The following SLC45A1 variants were observed in gnomAD, a reference collection of about 807,000 sequenced individuals.
The protein encoded by SLC45A1 is solute carrier family 45 member 1.
Under a neutral mutation model 57.6 loss-of-function variants are expected in SLC45A1, and 28 were observed. The ratio of observed to expected loss-of-function variants is 0.49; its 90% CI spans 0.36 to 0.67. The LOEUF (loss-of-function observed/expected upper bound fraction) is 0.67. Among genes scored for constraint, SLC45A1 ranks in the 30% least tolerant of loss-of-function variants. SLC45A1 has a pLI of 0.00. For synonymous variants in SLC45A1, 459 were observed against 471.5 expected (o/e 0.97, Z 0.34); for missense variants, 814 against 1,041.5 (o/e 0.78, Z 3.01).
intron 8 of SLC45A1, among the ~76,000 whole-genome samples, chr1:8,342,610 C>T (rs985555820): frequency 1.5e-4 from 23 of 152,284 alleles, no homozygotes; most frequent in Admixed American, 1.3e-3. Flanking sequence ...GCGCCTCCTT[C>T]CCTTTTATGG....
rs746396535 is a variant in SLC45A1, at chr1:8,330,786, C to T, written c.1293C>T (p.Asp431=). The T allele has an allele frequency of 1.2e-5, 19 of 1,613,458 alleles. No individual in the cohort carries two copies. The highest frequency in any genetic ancestry group is 8.3e-5 in the Admixed American group (5 of 60,030). Residue 431 remains aspartate, a synonymous_variant, in exon 5 of 9, where the codon GAC becomes GAT. Transcript: ENST00000471889. This position sits in a 1 kb window ranked among gnomAD's most constrained non-coding sequence, Gnocchi z 8.4. The part of the protein sequence containing the change: ...GREGALTSGC[D]GDILRVGSLD... ...AGGGTGCCCTGACCTCCGGCTGTGA[C>T]GGGGACATTCTGAGGGTGGGCTCCT...
rs963869397 is a variant in SLC45A1, at chr1:8,335,564, G to A, written c.1571G>A (p.Arg524His). 40 of 1,605,528 alleles carry A rather than the reference G, an allele frequency of 2.5e-5. No individual in the cohort carries two copies. The highest frequency in any genetic ancestry group is 4.4e-5 in the South Asian group (4 of 90,874). Residue 524 changes from arginine to histidine, a missense_variant, in exon 6 of 9, where the codon CGC (arginine) becomes CAC (histidine). Coordinates refer to ENST00000471889, the MANE Select transcript of SLC45A1 (RefSeq NM_001080397.3). This position sits in a 1 kb window ranked among gnomAD's most constrained non-coding sequence, Gnocchi z 4.1. ...ATCTGCAACATGCCCAAGGCGCTAC[G>A]CACCCTCTGCGTCAACCACTTCCTG... ...STICNMPKAL[R>H]TLCVNHFLGW...
rs1569954741 is a variant in SLC45A1 at position 8,332,900 on chromosome 1, A to G, written c.1443+1964A>G. On this transcript the variant is annotated intron_variant, in intron 5 of 8. Coordinates refer to ENST00000471889, the MANE Select transcript of SLC45A1 (RefSeq NM_001080397.3). ...GGCCTGCACCTGTGGGCGTTGCAGGAGGAGAGTATATTTCAGTAAGAACGT... is the reference window on the plus strand; with the variant it reads ...GGCCTGCACCTGTGGGCGTTGCAGGGGGAGAGTATATTTCAGTAAGAACGT... Among the ~76,000 whole-genome samples, 4 of 152,226 alleles carry G rather than the reference A, an allele frequency of 2.6e-5. 1 individual carries two copies. The highest frequency in any genetic ancestry group is 2.6e-4 in the Admixed American group (4 of 15,284).
chr1:8,327,058 C>T lies in SLC45A1; in HGVS notation c.715+1016C>T, dbSNP rs921292792. On this transcript the variant is annotated intron_variant, in intron 4 of 8. Transcript: ENST00000471889. The surrounding 1 kb of genome is among the most constrained non-coding windows in gnomAD (Gnocchi z 4.3). ...GACGAGAAGGCAGAGCTCAGCCCTGCGGGGCCTCAGCTGGATCACGCACCC... is the reference window on the plus strand; with the variant it reads ...GACGAGAAGGCAGAGCTCAGCCCTGTGGGGCCTCAGCTGGATCACGCACCC... Among the ~76,000 whole-genome samples the T allele has an allele frequency of 8.5e-5, 13 of 152,200 alleles. No individual in the cohort carries two copies. The highest frequency in any genetic ancestry group is 2.4e-4 in the African/African-American group (10 of 41,440).
chr1:8,342,723 C>G (rs1232215963), intron 8 of SLC45A1, among the ~76,000 whole-genome samples: 1 of 151,910 alleles, frequency 6.6e-6, no homozygotes, highest in Non-Finnish European at 1.5e-5. Flanking sequence ...TAGTCAGACC[C>G]CATCTCTAAA....
chr1:8,336,537 C>T (rs924901230), intron 6 of SLC45A1, among the ~76,000 whole-genome samples: 1 of 152,114 alleles, frequency 6.6e-6, no homozygotes, highest in Non-Finnish European at 1.5e-5. Flanking sequence ...TACCTTTTTC[C>T]CCTATGACCT....
chr1:8,337,327 C>A (rs569007484), intron 6 of SLC45A1, among the ~76,000 whole-genome samples: 1 of 152,226 alleles, frequency 6.6e-6, no homozygotes, highest in Non-Finnish European at 1.5e-5. Flanking sequence ...GTCCCGCCCA[C>A]GACACACAGG....
chr1:8,341,430 G>A (rs945048535), intron 8 of SLC45A1, among the ~76,000 whole-genome samples: 1 of 151,430 alleles, frequency 6.6e-6, no homozygotes, highest in African/African-American at 2.4e-5. Flanking sequence ...AGCTACACGG[G>A]AGGCTGAGGC....
At chr1:8,331,126 A>G (rs1300681979) in intron 5 of SLC45A1, among the ~76,000 whole-genome samples, 190 bp downstream of exon 5, 4 of 152,254 alleles carry the variant, frequency 2.6e-5, no homozygotes, top group African/African-American at 9.6e-5. Context: ...TTGTAGTCCC[A>G]GCACTTTAGG....
At chr1:8,340,329 A>AT (rs1354115700) in intron 8 of SLC45A1, among the ~76,000 whole-genome samples, 1 of 151,672 alleles carries the variant, frequency 6.6e-6, no homozygotes, top group Non-Finnish European at 1.5e-5. Flanking sequence ...TGCCCAGCTA[A>AT]TTTTTTGTAT....
Position 8,327,974 on chromosome 1 carries a change from T to C in SLC45A1, c.715+1932T>C, listed in dbSNP as rs1473641750. ...TGAACCCGGGAGGTGGAGGTTGCAG[T>C]GAGCCGAGATCGTGCCACTGCACTC... On this transcript the variant is annotated intron_variant, in intron 4 of 8. Transcript: ENST00000471889. The surrounding 1 kb of genome is among the most constrained non-coding windows in gnomAD (Gnocchi z 4.3). 2 of 152,210 alleles carry C rather than the reference T, an allele frequency of 1.3e-5. No homozygotes were observed. Among genetic ancestry groups the C allele is most frequent in the Non-Finnish European group, 2.9e-5 (2 of 68,052 alleles). The allele number at this position is 152,210 out of a possible 1,614,324, so 9.4% of individuals were successfully genotyped here.
At chr1:8,332,730 C>A (rs1253252302) in intron 5 of SLC45A1, among the ~76,000 whole-genome samples, 1 of 151,970 alleles carries the variant, frequency 6.6e-6, no homozygotes, top group Non-Finnish European at 1.5e-5. Flanking sequence ...AGGCTGGTCT[C>A]GAACTCCTGG....
chr1:8,320,316 T>G (rs1470631950), intron 1 of SLC45A1, among the ~76,000 whole-genome samples: 1 of 152,062 alleles, frequency 6.6e-6, no homozygotes, highest in Non-Finnish European at 1.5e-5. Flanking sequence ...TAGTCCACTT[T>G]AAATAAGGTC....
At chr1:8,318,779 CA>C (rs2124277136) in intron 1 of SLC45A1, among the ~76,000 whole-genome samples, 1 of 152,292 alleles carries the variant, frequency 6.6e-6, no homozygotes, top group African/African-American at 2.4e-5. Context: ...GAAGCAGAGT[CA>C]GGGGCGGAGG....
At position 8,330,191 on chromosome 1, in the gene SLC45A1, C is replaced by A; in HGVS notation, c.716-18C>A. The stretch of plus-strand genomic sequence containing the variant: ...CTCCTCCCGCAGAAGGGAACTCAAA[C>A]CCTGTCTCTTTCCCCAGGTCTCGGA... On this transcript the variant is annotated intron_variant, in intron 4 of 8. Coordinates refer to ENST00000471889, the MANE Select transcript of SLC45A1 (RefSeq NM_001080397.3). This position sits in a 1 kb window ranked among gnomAD's most constrained non-coding sequence, Gnocchi z 8.4. 1.2e-6 allele frequency: 2 copies of A among 1,608,602 alleles called. No individual in the cohort carries two copies. The highest frequency in any genetic ancestry group is 1.7e-6 in the Non-Finnish European group (2 of 1,176,882).
rs78921373 is a variant in SLC45A1 at position 8,324,168 on chromosome 1, G to A, written c.-24-138G>A. The A allele has an allele frequency of 9.1e-3, 7,218 of 791,712 alleles. 56 individuals are homozygous for A. Among genetic ancestry groups the A allele is most frequent in the Non-Finnish European group, 0.011 (5,559 of 499,404 alleles). The allele number at this position is 791,712 out of a possible 1,614,324, so 49.0% of individuals were successfully genotyped here. ...GCTGCAGATGGGAAAGTGAGGCCCC[G>A]GAGCATCAACCATGAGCAGTGCATT... On this transcript the variant is annotated intron_variant, in intron 1 of 8. Coordinates refer to ENST00000471889, the MANE Select transcript of SLC45A1 (RefSeq NM_001080397.3).
chr1:8,338,738 G>T (rs960039835), intron 7 of SLC45A1, among the ~76,000 whole-genome samples: 7 of 152,230 alleles, frequency 4.6e-5, no homozygotes, highest in African/African-American at 7.2e-5. Context: ...TGATTTTCAC[G>T]TGTCACAAAA....
chr1:8,334,653 T>TGACC (rs1260379244), intron 5 of SLC45A1, among the ~76,000 whole-genome samples: 1 of 152,008 alleles, frequency 6.6e-6, no homozygotes, highest in Non-Finnish European at 1.5e-5. Flanking sequence ...CAGTGAGCCA[T>TGACC]GACCGCACCA....
rs1314424010 is a variant in SLC45A1, at chr1:8,343,438, G to A, written c.1981-309G>A. 1.3e-5 allele frequency among the ~76,000 whole-genome samples: 2 copies of A among 152,172 alleles called. No individual in the cohort carries two copies. The highest frequency in any genetic ancestry group is 1.3e-4 in the Admixed American group (2 of 15,280). ...GAGCGGTCGCCTGGCTGGGCAGATTGGTTTTCTTTGGGTGAGAGGATGGGG... is the reference window on the plus strand; with the variant it reads ...GAGCGGTCGCCTGGCTGGGCAGATTAGTTTTCTTTGGGTGAGAGGATGGGG... On this transcript the variant is annotated intron_variant, in intron 8 of 8. Transcript: ENST00000471889. This position sits in a 1 kb window ranked among gnomAD's most constrained non-coding sequence, Gnocchi z 7.7.
Sources: gnomAD v4.1 joint callset for allele counts (sites outside exome capture counted in the v4.1 genomes callset) on GRCh38, gnomAD v4.1.1 for gene constraint, Gnocchi (gnomAD v3.1) non-coding constraint, MANE v1.5 for transcripts, NCBI Gene and HGNC (gene_info 2026-07-23, HGNC 2026-07-21) for gene names.